Variants in PROSER2 observed in about 807,000 individuals in gnomAD.
PROSER2 encodes the protein proline and serine rich 2.
In PROSER2, 18 loss-of-function variants were observed where a neutral mutation model predicts 14.6. The observed-to-expected ratio is 1.23, with a 90% CI of 0.85 to 1.83. PROSER2 has a LOEUF of 1.83. Ranked by LOEUF, PROSER2 falls within the 40% of genes most tolerant of loss-of-function variation. PROSER2 has a pLI of 0.00. For missense variants in PROSER2, 823 were observed against 629.8 expected (o/e 1.31, Z -3.28); for synonymous variants, 367 against 286.4 (o/e 1.28, Z -2.84).
At chr10:11,833,235 CTTTTTTTTTTT>C (rs5783233) in intron 1 of PROSER2, among the ~76,000 whole-genome samples, 1 of 87,668 alleles carries the variant, frequency 1.1e-5, no homozygotes, top group Non-Finnish European at 2.0e-5. Context: ...AATGTTGTGG[CTTTTTTTTTTT>C]TTTTTTTTTT....
chr10:11,870,234 C>A lies in PROSER2; in HGVS notation c.1136C>A (p.Ala379Asp). 6.7e-7 allele frequency: 1 copy of A among 1,488,518 alleles called. No homozygotes were observed. Among genetic ancestry groups the A allele is most frequent in the Non-Finnish European group, 8.9e-7 (1 of 1,127,014 alleles). The allele number at this position is 1,488,518 out of a possible 1,614,324, so 92.2% of individuals were successfully genotyped here. A position where few individuals can be genotyped will look rare whatever the true frequency, so the allele number is the denominator to read the frequency against. The part of the protein sequence containing the change: ...RPGPALPSTR[A>D]RQSFPGPRQP... ...GGCCCGGCCCTGCCCAGCACGCGGGCCCGTCAGAGCTTCCCCGGGCCCCGG... is the reference window on the plus strand; with the variant it reads ...GGCCCGGCCCTGCCCAGCACGCGGGACCGTCAGAGCTTCCCCGGGCCCCGG... Residue 379 changes from alanine (A) to aspartate (D), a missense_variant, in exon 4 of 4, where the codon GCC becomes GAC. Transcript: ENST00000277570.
At chr10:11,858,753 A>G (rs772022638) in intron 2 of PROSER2, among the ~76,000 whole-genome samples, 1 of 152,126 alleles carries the variant, frequency 6.6e-6, no homozygotes, top group Non-Finnish European at 1.5e-5. Context: ...GCTCACGCCT[A>G]TAATCCCAGC....
At position 11,856,651 on chromosome 10, in the gene PROSER2, C is replaced by G. The variant is rs571172955; in HGVS notation, c.138+4436C>G. 1.9e-4 allele frequency among the ~76,000 whole-genome samples: 29 copies of G among 152,332 alleles called. No individual in the cohort carries two copies. The East Asian group carries it at 5.6e-3, about 29-fold the overall frequency. ...GATGAACTGTCTCGAATCCCCCTCT[C>G]CCTACGCCCACAAGTGCTGTGGCCC... On this transcript the variant is annotated intron_variant, in intron 2 of 3. Coordinates refer to ENST00000277570, the MANE Select transcript of PROSER2 (RefSeq NM_153256.4). The surrounding 1 kb of genome is among the most constrained non-coding windows in gnomAD (Gnocchi z 5.3).
At chr10:11,841,378 A>G (rs1833843587) in intron 1 of PROSER2, among the ~76,000 whole-genome samples, 1 of 152,086 alleles carries the variant, frequency 6.6e-6, no homozygotes, top group South Asian at 2.1e-4. Context: ...TAATATTTTC[A>G]AAAACCAATT....
intron 1 of PROSER2, among the ~76,000 whole-genome samples, chr10:11,846,782 C>T (rs2131064632): frequency 6.6e-6 from 1 of 152,232 alleles, no homozygotes; most frequent in African/African-American, 2.4e-5. Flanking sequence ...TAGAGATGGC[C>T]AGCTCTGTCA....
Position 11,856,335 on chromosome 10 carries a change from G to A in PROSER2, c.138+4120G>A, listed in dbSNP as rs898618763. 2.6e-5 allele frequency among the ~76,000 whole-genome samples: 4 copies of A among 152,196 alleles called. No homozygotes were observed. Among genetic ancestry groups the A allele is most frequent in the South Asian group, 4.1e-4 (2 of 4,820 alleles). ...CCCCCTGGGTGCACGGCGAGGGCACGGTGCTGCCTCACACCAGCGTTCCCA... is the reference window on the plus strand; with the variant it reads ...CCCCCTGGGTGCACGGCGAGGGCACAGTGCTGCCTCACACCAGCGTTCCCA... On this transcript the variant is annotated intron_variant, in intron 2 of 3. Transcript: ENST00000277570. The surrounding 1 kb of genome is among the most constrained non-coding windows in gnomAD (Gnocchi z 5.3).
intron 2 of PROSER2, among the ~76,000 whole-genome samples, chr10:11,857,747 A>AAG (rs1325171993): frequency 1.3e-5 from 2 of 150,016 alleles, no homozygotes; most frequent in Admixed American, 6.6e-5. Flanking sequence ...CCCATCTAAA[A>AAG]AAAAAAAAAA....
intron 1 of PROSER2, among the ~76,000 whole-genome samples, chr10:11,829,835 AT>A (rs5783232): frequency 0.16 from 10,313 of 65,956 alleles, 384 homozygotes; most frequent in Middle Eastern, 0.21. Context: ...TTTACTTCTG[AT>A]TTTTTTTTTT....
Position 11,866,413 on chromosome 10 carries a change from G to T in PROSER2, c.139-118G>T. ...AGGCACTGTGTGGCAGGGTACTCTC[G>T]GGACACAGTGAGTTCCGCCCTGGGC... On this transcript the variant is annotated intron_variant, in intron 2 of 3. Coordinates refer to ENST00000277570, the MANE Select transcript of PROSER2 (RefSeq NM_153256.4). The surrounding 1 kb of genome is among the most constrained non-coding windows in gnomAD (Gnocchi z 6.0). 1 of 1,241,822 alleles carries T rather than the reference G, an allele frequency of 8.1e-7. No individual in the cohort carries two copies. Among genetic ancestry groups the T allele is most frequent in the South Asian group, 1.4e-5 (1 of 71,954 alleles). 76.9% of individuals were successfully genotyped at this position (1,241,822 alleles called of 1,614,324 possible).
intron 1 of PROSER2, among the ~76,000 whole-genome samples, chr10:11,840,940 A>T (rs1217711785): frequency 5.9e-5 from 4 of 68,054 alleles, no homozygotes; most frequent in South Asian, 4.3e-4. Context: ...AAAAAAAAAA[A>T]AAAAAAAAAA....
At chr10:11,843,853 A>G (rs1045367568) in intron 1 of PROSER2, among the ~76,000 whole-genome samples, 11 of 151,960 alleles carry the variant, frequency 7.2e-5, no homozygotes, top group African/African-American at 2.4e-4. Flanking sequence ...CTCCATCTCA[A>G]AAAAAAGAAT....
rs577323259 is a variant in PROSER2 at position 11,837,083 on chromosome 10, G to A, written c.-82+13613G>A. Among the ~76,000 whole-genome samples the A allele has an allele frequency of 3.3e-5, 5 of 152,274 alleles. No homozygotes were observed. In the East Asian group the frequency reaches 7.7e-4, roughly 23 times the overall value. ...TCTATGTGGCCGTGCTTATGTTCAA[G>A]TCACTTTTATTTAATAATGGCCCTG... On this transcript the variant is annotated intron_variant, in intron 1 of 3. Coordinates refer to ENST00000277570, the MANE Select transcript of PROSER2 (RefSeq NM_153256.4). This position sits in a 1 kb window ranked among gnomAD's most constrained non-coding sequence, Gnocchi z 4.6.
At chr10:11,851,077 G>C (rs1834009506) in intron 1 of PROSER2, 1 of 152,446 alleles carries the variant, frequency 6.6e-6, no homozygotes, top group Non-Finnish European at 1.5e-5. Flanking sequence ...TAAGCTGGGT[G>C]TGGTAGTGCA....
At position 11,862,170 on chromosome 10, in the gene PROSER2, A is replaced by G. The variant is rs1043501364; in HGVS notation, c.139-4361A>G. Among the ~76,000 whole-genome samples, 3 of 152,256 alleles carry G rather than the reference A, an allele frequency of 2.0e-5. No homozygotes were observed. Among genetic ancestry groups the G allele is most frequent in the African/African-American group, 7.2e-5 (3 of 41,466 alleles). On this transcript the variant is annotated intron_variant, in intron 2 of 3. Transcript: ENST00000277570. The surrounding 1 kb of genome is among the most constrained non-coding windows in gnomAD (Gnocchi z 4.2). ...ATAAATGAAGCCATGAGCCATATTCATGGGTCAAGAAAAGATCGCAGAGAC... is the reference window on the plus strand; with the variant it reads ...ATAAATGAAGCCATGAGCCATATTCGTGGGTCAAGAAAAGATCGCAGAGAC...
At chr10:11,853,640 T>C (rs1834071106) in intron 2 of PROSER2, among the ~76,000 whole-genome samples, 2 of 152,152 alleles carry the variant, frequency 1.3e-5, no homozygotes, top group African/African-American at 4.8e-5. Context: ...CCTTCCCTGG[T>C]GTTCTGTTAG....
rs1834415671 is a variant in PROSER2 at position 11,869,318 on chromosome 10, C to T, written c.392-172C>T. ...GTGAGGTCATGAGCATGACATACCA[C>T]CTTCTCCTTCCCTAGTCCCAGGAAC... is the stretch of plus-strand genomic sequence containing the variant. On this transcript the variant is annotated intron_variant, in intron 3 of 3. Transcript: ENST00000277570. The surrounding 1 kb of genome is among the most constrained non-coding windows in gnomAD (Gnocchi z 4.4). 1.3e-5 allele frequency: 8 copies of T among 620,684 alleles called. No homozygotes were observed. The highest frequency in any genetic ancestry group is 4.3e-4 in the Middle Eastern group (1 of 2,348). The allele number at this position is 620,684 out of a possible 1,614,324, so 38.4% of individuals were successfully genotyped here.
chr10:11,855,747 G>C lies in PROSER2; in HGVS notation c.138+3532G>C, dbSNP rs116351345. On this transcript the variant is annotated intron_variant, in intron 2 of 3. Transcript: ENST00000277570. ...AAGGCCAGCCTGGGCAACATAGCAAGACCCCTATTTCCACACAAAACAAAT... is the reference window on the plus strand; with the variant it reads ...AAGGCCAGCCTGGGCAACATAGCAACACCCCTATTTCCACACAAAACAAAT... Among the ~76,000 whole-genome samples, 1,211 of 152,242 alleles carry C rather than the reference G, an allele frequency of 8.0e-3. 17 individuals carry two copies. The highest frequency in any genetic ancestry group is 0.028 in the African/African-American group (1,159 of 41,530).
Position 11,830,553 on chromosome 10 carries a change from T to C in PROSER2, c.-82+7083T>C, listed in dbSNP as rs867634843. Among the ~76,000 whole-genome samples, 3 of 152,182 alleles carry C rather than the reference T, an allele frequency of 2.0e-5. No individual in the cohort carries two copies. The highest frequency in any genetic ancestry group is 4.4e-5 in the Non-Finnish European group (3 of 68,034). On this transcript the variant is annotated intron_variant, in intron 1 of 3. Transcript: ENST00000277570. The surrounding 1 kb of genome is among the most constrained non-coding windows in gnomAD (Gnocchi z 4.5). ...TGTAGGTAGATAACCAGTAGTGAGA[T>C]TGCTGGGTCCTGTGGTAGTTCTAGG...
intron 1 of PROSER2, 52 bp from the exon 2 acceptor site, chr10:11,851,945 G>A (rs556887599): frequency 6.1e-5 from 56 of 923,656 alleles, no homozygotes; most frequent in East Asian, 5.0e-4. Context: ...GGATTGAGGC[G>A]TTTTACAGTC....
Sources: allele counts gnomAD v4.1 joint callset (sites outside exome capture counted in the v4.1 genomes callset), GRCh38; gene constraint gnomAD v4.1.1; non-coding constraint Gnocchi (gnomAD v3.1); transcripts MANE v1.5; gene names NCBI Gene and HGNC (gene_info 2026-07-23, HGNC 2026-07-21).